CAMSAP1: variants seen among roughly 807,000 people sequenced by gnomAD.
CAMSAP1 encodes calmodulin regulated spectrin associated protein 1, also known as calmodulin-regulated spectrin-associated protein 1.
Under a neutral mutation model 143.5 loss-of-function variants are expected in CAMSAP1, and 58 were observed. The ratio of observed to expected loss-of-function variants is 0.40; its 90% CI spans 0.33 to 0.50. The LOEUF is 0.50. Ranked by LOEUF, CAMSAP1 falls within the 20% of genes least tolerant of loss-of-function variation. The pLI, the probability that CAMSAP1 is intolerant of heterozygous loss-of-function variation, is 0.45. For missense variants in CAMSAP1, 1,969 were observed against 2,115.7 expected (o/e 0.93, Z 1.36); for synonymous variants, 945 against 859.3 (o/e 1.10, Z -1.74).
chr9:135,904,576 A>C (rs914019168), intron 1 of CAMSAP1, among the ~76,000 whole-genome samples: 1 of 152,174 alleles, frequency 6.6e-6, no homozygotes, highest in Non-Finnish European at 1.5e-5. Context: ...TTGTAAGTAT[A>C]AATTACCACA....
In CAMSAP1 at chr9:135,821,352, C is replaced by A; in HGVS notation, c.3309G>T (p.Arg1103Ser). The A allele has an allele frequency of 1.1e-5, 17 of 1,613,678 alleles. No individual in the cohort carries two copies. Among genetic ancestry groups the A allele is most frequent in the Non-Finnish European group, 1.4e-5 (17 of 1,179,790 alleles). Residue 1103 changes from arginine to serine, a missense_variant, in exon 11 of 17, where the codon AGG becomes AGT. Transcript: ENST00000389532. The surrounding 1 kb of genome is among the most constrained non-coding windows in gnomAD (Gnocchi z 4.6). ...LGQGRNSRSG[R>S]PAELKVPKDR... ...CTTTTGGGACCTTCAGCTCCGCCGG[C>A]CTTCCGGAACGGGAATTCCGGCCTT...
intron 7 of CAMSAP1, among the ~76,000 whole-genome samples, chr9:135,837,987 G>GTCATCACGCA (rs1836155953): frequency 8.1e-6 from 1 of 122,914 alleles, no homozygotes; most frequent in African/African-American, 2.9e-5. Flanking sequence ...ATCATCACAC[G>GTCATCACGCA]CTTTCTACCC....
rs1318915384 is a variant in CAMSAP1, at chr9:135,893,336, CAAAAA to C, written c.161-10263_161-10259del. Among the ~76,000 whole-genome samples the C allele has an allele frequency of 1.6e-4, 13 of 83,254 alleles. No individual in the cohort carries two copies. In the East Asian group the frequency reaches 3.7e-3, roughly 24 times the overall value. The allele number at this position is 83,254 out of a possible 152,430, so 54.6% of individuals were successfully genotyped here. The stretch of plus-strand genomic sequence containing the variant: ...GAAAAGAAAAGGAGAAAGGAAAAAA[CAAAAA>C]AGAAAAAGAAAAGGCAGGAAAGGCA... On this transcript the variant is annotated intron_variant, in intron 1 of 16. Transcript: ENST00000389532.
intron 4 of CAMSAP1, chr9:135,865,474 G>A (rs1282065562): frequency 9.4e-7 from 1 of 1,062,750 alleles, no homozygotes; most frequent in Non-Finnish European, 1.4e-6. Context: ...GCAGAGGCGG[G>A]AGAGCCTCTG....
At chr9:135,840,763 G>A (rs573550097) in intron 7 of CAMSAP1, among the ~76,000 whole-genome samples, 55 of 152,220 alleles carry the variant, frequency 3.6e-4, no homozygotes, top group Admixed American at 1.8e-3. Flanking sequence ...ACAATGGGTC[G>A]GGGAACTCCC....
At chr9:135,825,784 G>A (rs995390559) in intron 8 of CAMSAP1, among the ~76,000 whole-genome samples, 1 of 152,162 alleles carries the variant, frequency 6.6e-6, no homozygotes, top group Non-Finnish European at 1.5e-5. Context: ...GGGACAGCTC[G>A]GCACCCTAGG....
At chr9:135,817,751 A>T in intron 14 of CAMSAP1, 1 of 513,394 alleles carries the variant, frequency 1.9e-6, no homozygotes, top group Non-Finnish European at 3.5e-6. Context: ...GGGGTGGGGG[A>T]CAGGGGAGGG....
At chr9:135,815,715 A>G (rs1328363746) in intron 15 of CAMSAP1, among the ~76,000 whole-genome samples, 175 bp downstream of exon 15, 2 of 152,260 alleles carry the variant, frequency 1.3e-5, no homozygotes, top group African/African-American at 4.8e-5. Flanking sequence ...AGCTTCTACT[A>G]AACCACATGC....
At chr9:135,840,187 G>A (rs994843788) in intron 7 of CAMSAP1, among the ~76,000 whole-genome samples, 5 of 152,210 alleles carry the variant, frequency 3.3e-5, no homozygotes, top group African/African-American at 1.2e-4. Flanking sequence ...GGTTTCAGCA[G>A]GCATCACTAC....
rs1450288611 is a variant in CAMSAP1, at chr9:135,850,425, C to T, written c.845G>A (p.Ser282Asn). 1 of 1,603,506 alleles carries T rather than the reference C, an allele frequency of 6.2e-7. No homozygotes were observed. Among genetic ancestry groups the T allele is most frequent in the Non-Finnish European group, 8.5e-7 (1 of 1,177,032 alleles). The change falls in exon 6 of 17, where the codon AGT (serine) becomes AAT (asparagine). Residue 282 changes from serine (S) to asparagine (N), a missense_variant. This residue lies in a region of CAMSAP1 where 221 missense variants were observed against 298.2 expected (regional missense o/e 0.74). Coordinates refer to ENST00000389532, the MANE Select transcript of CAMSAP1 (RefSeq NM_015447.4). The part of the protein sequence containing the change: ...CLKEVTSMAD[S>N]LYNIRLLREF... ...TCTCAGAAGCCGAATATTATACAGACTGTCGGCCATCGACGTTACCTCCTT... is the reference window on the plus strand; with the variant it reads ...TCTCAGAAGCCGAATATTATACAGATTGTCGGCCATCGACGTTACCTCCTT...
intron 7 of CAMSAP1, among the ~76,000 whole-genome samples, chr9:135,833,143 G>A (rs761844500): frequency 6.1e-5 from 9 of 147,590 alleles, no homozygotes; most frequent in South Asian, 2.1e-4. Context: ...GTGCAGTGGC[G>A]CGATCTCGGC....
Position 135,818,395 on chromosome 9 carries a change from CG to C in CAMSAP1, c.4168+12del, listed in dbSNP as rs746456949. Reference sequence around the variant, plus strand: ...AAGGAAGCGCTGCCCGCGTGAGGGCCGGGGCTGCTTACGGGTGGAGGAGCAC... The same window carrying C: ...AAGGAAGCGCTGCCCGCGTGAGGGCCGGGCTGCTTACGGGTGGAGGAGCAC... On this transcript the variant is annotated intron_variant, in intron 13 of 16. Coordinates refer to ENST00000389532, the MANE Select transcript of CAMSAP1 (RefSeq NM_015447.4). The surrounding 1 kb of genome is among the most constrained non-coding windows in gnomAD (Gnocchi z 7.7). 6.4e-7 allele frequency: 1 copy of C among 1,560,262 alleles called. No individual in the cohort carries two copies. Among genetic ancestry groups the C allele is most frequent in the Non-Finnish European group, 8.6e-7 (1 of 1,158,448 alleles).
chr9:135,819,225 A>C, intron 11 of CAMSAP1, 79 bp from the exon 12 acceptor site: 1 of 1,483,588 alleles, frequency 6.7e-7, no homozygotes, highest in Non-Finnish European at 9.0e-7. Context: ...CCAGCAGCCG[A>C]CTTCCACTAC....
chr9:135,866,214 T>C (rs950383666), intron 4 of CAMSAP1, among the ~76,000 whole-genome samples: 2 of 152,130 alleles, frequency 1.3e-5, no homozygotes, highest in African/African-American at 4.8e-5. Context: ...TTCCCCCAAA[T>C]ACCCTCACGC....
intron 1 of CAMSAP1, among the ~76,000 whole-genome samples, chr9:135,906,364 C>A (rs922161531): frequency 6.6e-6 from 1 of 152,250 alleles, no homozygotes; most frequent in Non-Finnish European, 1.5e-5. Context: ...ACGAGAATCA[C>A]TAGGTCTGTC....
intron 4 of CAMSAP1, among the ~76,000 whole-genome samples, chr9:135,862,963 T>G (rs1039386147): frequency 1.3e-5 from 2 of 152,154 alleles, no homozygotes; most frequent in Non-Finnish European, 2.9e-5. Flanking sequence ...GCCGACGTAC[T>G]AGACACTAAC....
Position 135,815,959 on chromosome 9 carries a change from T to C in CAMSAP1, c.4318A>G (p.Arg1440Gly), listed in dbSNP as rs1475865421. ...GTCTCCCAGTCTCGGTCTGTGCTCC[T>C]GCTTGGGTTACGGCTCAGTATGGGC... is the stretch of plus-strand genomic sequence containing the variant. ...ALPILSRNPS[R>G]STDRDWETAS... The change falls in exon 15 of 17, where the codon AGG becomes GGG. Residue 1440 changes from arginine (R) to glycine (G), a missense_variant. Coordinates refer to ENST00000389532, the MANE Select transcript of CAMSAP1 (RefSeq NM_015447.4). 1.9e-6 allele frequency: 3 copies of C among 1,613,750 alleles called. No individual in the cohort carries two copies. Among genetic ancestry groups the C allele is most frequent in the Non-Finnish European group, 2.5e-6 (3 of 1,179,910 alleles).
chr9:135,891,808 ACT>A (rs1366499435), intron 1 of CAMSAP1, among the ~76,000 whole-genome samples: 2 of 152,320 alleles, frequency 1.3e-5, no homozygotes, highest in East Asian at 3.9e-4. Flanking sequence ...GTAAAGCTAC[ACT>A]CTCTTAAAAT....
chr9:135,896,870 A>G (rs1838472943), intron 1 of CAMSAP1, among the ~76,000 whole-genome samples: 1 of 152,204 alleles, frequency 6.6e-6, no homozygotes, highest in Admixed American at 6.5e-5. Context: ...CCCTACCCTC[A>G]TGAATGAGAC....
Sources: allele counts gnomAD v4.1 joint callset (sites outside exome capture counted in the v4.1 genomes callset), GRCh38; gene constraint gnomAD v4.1.1; regional missense constraint gnomAD v4.1.1; non-coding constraint Gnocchi (gnomAD v3.1); transcripts MANE v1.5; gene names NCBI Gene and HGNC (gene_info 2026-07-23, HGNC 2026-07-21).